The following INTS13 variants were observed in gnomAD, a reference collection of about 807,000 sequenced individuals.
The protein encoded by INTS13 is integrator complex subunit 13.
In INTS13, 35 loss-of-function variants were observed where a neutral mutation model predicts 90.2. That is an observed-to-expected ratio of 0.39 (90% CI 0.30 to 0.51). INTS13 has a LOEUF of 0.51. Ranked by LOEUF, INTS13 falls within the 20% of genes least tolerant of loss-of-function variation. INTS13 has a pLI of 0.80. For synonymous variants in INTS13, 309 were observed against 277.1 expected (o/e 1.11, Z -1.14); for missense variants, 601 against 851.2 (o/e 0.71, Z 3.66).
chr12:26,911,210 A>G lies in INTS13; in HGVS notation c.1913T>C (p.Met638Thr). 6.2e-7 allele frequency: 1 copy of G among 1,613,828 alleles called. No individual in the cohort carries two copies. Among genetic ancestry groups the G allele is most frequent in the Admixed American group, 1.7e-5 (1 of 59,948 alleles). ...EPPNKKPLVE[M>T]DETPQVEKSK... ...TTTTTCCACTTGTGGAGTTTCATCC[A>G]TTTCAACAAGGGGTTTTTTGTTTGG... is the stretch of plus-strand genomic sequence containing the variant. Residue 638 changes from methionine (M) to threonine (T), a missense_variant, in exon 15 of 17, where the codon ATG (methionine) becomes ACG (threonine). Around this residue, in one of 3 missense-constraint regions of INTS13, gnomAD observed 228 missense variants for 272.5 expected, o/e 0.84. Coordinates refer to ENST00000261191, the MANE Select transcript of INTS13 (RefSeq NM_018164.3).
intron 14 of INTS13, among the ~76,000 whole-genome samples, chr12:26,912,030 A>G (rs908925354): frequency 6.6e-6 from 1 of 152,226 alleles, no homozygotes; most frequent in African/African-American, 2.4e-5. Context: ...AAGGTAGTGG[A>G]TGAAGATATA....
At chr12:26,916,616 T>C (rs1951944227) in intron 10 of INTS13, among the ~76,000 whole-genome samples, 1 of 152,178 alleles carries the variant, frequency 6.6e-6, no homozygotes, top group African/African-American at 2.4e-5. Flanking sequence ...TCATAACTAC[T>C]TTCTATTCTA....
intron 5 of INTS13, among the ~76,000 whole-genome samples, chr12:26,927,597 A>C (rs749133056): frequency 3.3e-5 from 5 of 152,176 alleles, no homozygotes; most frequent in Non-Finnish European, 7.3e-5. Context: ...ATTTTTTAAA[A>C]ATTTAAATTT....
At chr12:26,920,197 T>C (rs1483562706) in intron 8 of INTS13, among the ~76,000 whole-genome samples, 1 of 151,372 alleles carries the variant, frequency 6.6e-6, no homozygotes, top group East Asian at 1.9e-4. Context: ...CACCAAGACC[T>C]AGCTACACTG....
intron 5 of INTS13, 149 bp downstream of exon 5, chr12:26,928,056 A>G (rs1174354303): frequency 4.0e-6 from 2 of 495,128 alleles, no homozygotes; most frequent in Non-Finnish European, 7.0e-6. Flanking sequence ...AAATGGAAAA[A>G]AAAGTTTCTG....
Position 26,913,514 on chromosome 12 carries a change from T to G in INTS13, c.1748A>C (p.Lys583Thr), listed in dbSNP as rs779675707. 4.3e-6 allele frequency: 7 copies of G among 1,614,164 alleles called. No homozygotes were observed. The highest frequency in any genetic ancestry group is 5.1e-6 in the Non-Finnish European group (6 of 1,180,022). Residue 583 changes from lysine to threonine, a missense_variant, in exon 14 of 17, where the codon AAG becomes ACG. Around this residue, in one of 3 missense-constraint regions of INTS13, gnomAD observed 228 missense variants for 272.5 expected, o/e 0.84. Transcript: ENST00000261191. ...RGRKREDKED[K>T]SEKAVKDYEQ... is the part of the protein sequence containing the mutation. The stretch of plus-strand genomic sequence containing the variant: ...ATAATCTTTCACTGCTTTCTCTGAC[T>G]TGTCCTCTTTGTCTTCCCTCTTTCT...
At chr12:26,917,505 G>GA (rs910087429) in intron 9 of INTS13, 64 bp from the exon 10 acceptor site, 1,469 of 1,254,170 alleles carry the variant, frequency 1.2e-3, no homozygotes, top group Non-Finnish European at 1.4e-3. Flanking sequence ...TTAAAAGAAA[G>GA]AAAAAAAAAC....
Position 26,925,753 on chromosome 12 carries a change from A to T in INTS13, c.675+8T>A. The T allele has an allele frequency of 6.3e-7, 1 of 1,597,256 alleles. No homozygotes were observed. Among genetic ancestry groups the T allele is most frequent in the Non-Finnish European group, 8.6e-7 (1 of 1,166,490 alleles). On this transcript the variant is annotated splice_region_variant and intron_variant, in intron 6 of 16. Transcript: ENST00000261191. ...AATAGTCTTTTCTTTCATTATTTCA[A>T]CACTCACCTCTTTTTTAGAACGATC...
chr12:26,911,181 T>C lies in INTS13; in HGVS notation c.1942A>G (p.Lys648Glu), dbSNP rs1951764848. 1.2e-6 allele frequency: 2 copies of C among 1,612,634 alleles called. No homozygotes were observed. The highest frequency in any genetic ancestry group is 2.2e-5 in the South Asian group (2 of 90,746). Residue 648 changes from lysine (K) to glutamate (E), a missense_variant, in exon 15 of 17, where the codon AAA (lysine) becomes GAA (glutamate). This residue lies in a region of INTS13 where 228 missense variants were observed against 272.5 expected (regional missense o/e 0.84). Transcript: ENST00000261191. ...AGTTACCACAGCTGTACCTTACCTT[T>C]TGATTTTTCCACTTGTGGAGTTTCA... ...MDETPQVEKS[K>E]GPVSLLSLWS...
chr12:26,906,549 A>C, intron 15 of INTS13, 112 bp from the exon 16 acceptor site: 1 of 1,103,566 alleles, frequency 9.1e-7, no homozygotes, highest in South Asian at 1.4e-5. Context: ...TACACAATTA[A>C]GGCAGTTAAT....
intron 11 of INTS13, among the ~76,000 whole-genome samples, chr12:26,915,167 A>C (rs1951896467): frequency 6.6e-6 from 1 of 152,218 alleles, no homozygotes; most frequent in African/African-American, 2.4e-5. Flanking sequence ...CAGAGGTTGC[A>C]GTGAGCCAAG....
intron 3 of INTS13, among the ~76,000 whole-genome samples, chr12:26,929,651 G>A (rs896788403): frequency 1.6e-4 from 24 of 151,902 alleles, no homozygotes; most frequent in African/African-American, 5.3e-4. Context: ...CAGAAGGATC[G>A]CTTGAGCCCA....
chr12:26,917,802 A>G (rs1951984264), intron 8 of INTS13, 69 bp from the exon 9 acceptor site: 6 of 965,812 alleles, frequency 6.2e-6, no homozygotes, highest in Non-Finnish European at 8.1e-6. Context: ...TATCCCATAA[A>G]TATGTACAAT....
chr12:26,930,085 A>C (rs891829785), intron 3 of INTS13, among the ~76,000 whole-genome samples: 1 of 152,182 alleles, frequency 6.6e-6, no homozygotes, highest in Non-Finnish European at 1.5e-5. Flanking sequence ...TCAAAAATAA[A>C]ATACTTAGAA....
rs539528566 is a variant in INTS13, at chr12:26,921,473, T to G, written c.889+1143A>C. Among the ~76,000 whole-genome samples, 12 of 152,282 alleles carry G rather than the reference T, an allele frequency of 7.9e-5. No individual in the cohort carries two copies. The East Asian group carries it at 2.1e-3, about 27-fold the overall frequency. Reference sequence around the variant, plus strand: ...TCTATTAGCCCAGTCTTTTCCGAAGTAAATTCCACAGGACACTAGTTCCAT... The same window carrying G: ...TCTATTAGCCCAGTCTTTTCCGAAGGAAATTCCACAGGACACTAGTTCCAT... On this transcript the variant is annotated intron_variant, in intron 8 of 16. Transcript: ENST00000261191.
At chr12:26,910,922 G>A (rs758190019) in intron 15 of INTS13, among the ~76,000 whole-genome samples, 14 of 151,780 alleles carry the variant, frequency 9.2e-5, no homozygotes, top group Admixed American at 2.0e-4. Context: ...TGCAACCTCC[G>A]CCTCCCAGGT....
intron 3 of INTS13, among the ~76,000 whole-genome samples, chr12:26,931,389 A>G (rs560413699): frequency 6.6e-6 from 1 of 152,268 alleles, no homozygotes; most frequent in South Asian, 2.1e-4. Context: ...GGTTGCAGTG[A>G]GCCAAGATTG....
At chr12:26,906,541 C>T in intron 15 of INTS13, 104 bp from the exon 16 acceptor site, 1 of 1,179,936 alleles carries the variant, frequency 8.5e-7, no homozygotes, top group South Asian at 1.4e-5. Flanking sequence ...GTTCATTTTA[C>T]ACAATTAAGG....
chr12:26,917,316 T>G, intron 10 of INTS13, 36 bp downstream of exon 10: 1 of 746,326 alleles, frequency 1.3e-6, no homozygotes. Context: ...ATAATATAAA[T>G]AATTTCAGTC....
Sources: gnomAD v4.1 joint callset for allele counts (sites outside exome capture counted in the v4.1 genomes callset) on GRCh38, gnomAD v4.1.1 for gene constraint, gnomAD v4.1.1 regional missense constraint, MANE v1.5 for transcripts, NCBI Gene and HGNC (gene_info 2026-07-23, HGNC 2026-07-21) for gene names.